Variants in CACNA1E observed in about 807,000 individuals in gnomAD.
CACNA1E encodes calcium voltage-gated channel subunit alpha1 E, also known as voltage-dependent R-type calcium channel subunit alpha-1E.
Under a neutral mutation model 259.2 loss-of-function variants are expected in CACNA1E, and 40 were observed. That is an observed-to-expected ratio of 0.15 (90% CI 0.12 to 0.20). The LOEUF (loss-of-function observed/expected upper bound fraction) is 0.20, where lower values mean the gene tolerates loss of function less well. CACNA1E is among the 10% of genes least tolerant of loss of function. The probability of loss-of-function intolerance (pLI) is 1.00; values close to 1 mark genes in which losing one functional copy is unlikely to be tolerated. For missense variants in CACNA1E, 1,874 were observed against 3,040.1 expected (o/e 0.62, Z 9.02); for synonymous variants, 1,104 against 1,138.5 (o/e 0.97, Z 0.61).
chr1:181,658,971 A>C lies in CACNA1E; in HGVS notation c.1055+7530A>C, dbSNP rs543423120. Among the ~76,000 whole-genome samples the C allele has an allele frequency of 2.4e-4, 37 of 151,852 alleles. No homozygotes were observed. The South Asian group carries it at 7.7e-3, about 32-fold the overall frequency. ...TCTCTTCTGCTTGGTTGTCTCTCAC[A>C]TGCCTTTGGAAAGATTGTGAGCTTT... On this transcript the variant is annotated intron_variant, in intron 7 of 47. Transcript: ENST00000367573.
At chr1:181,444,885 T>C (rs1484504647) in intron 2 of CACNA1E, among the ~76,000 whole-genome samples, 1 of 152,178 alleles carries the variant, frequency 6.6e-6, no homozygotes, top group Non-Finnish European at 1.5e-5. Context: ...CTCCCACCTC[T>C]GGGGTCTCCT....
In CACNA1E at chr1:181,756,067, C is replaced by A. The variant is rs147656925; in HGVS notation, c.4101C>A (p.Thr1367=). ...NIIWALLTLF[T]VSTGEGWPQV... ...TCTGGGCCCTGCTGACCCTCTTCAC[C>A]GTCTCCACAGGGGAAGGATGGCCTC... The change falls in exon 29 of 48, where the codon ACC becomes ACA. Residue 1367 remains threonine, a synonymous_variant. Coordinates refer to ENST00000367573, the MANE Select transcript of CACNA1E (RefSeq NM_001205293.3). 61 of 1,613,524 alleles carry A rather than the reference C, an allele frequency of 3.8e-5. No individual in the cohort carries two copies. The highest frequency in any genetic ancestry group is 4.7e-5 in the Non-Finnish European group (56 of 1,179,706).
At chr1:181,352,011 C>T (rs1571637558) in intron 1 of CACNA1E, among the ~76,000 whole-genome samples, 1 of 152,202 alleles carries the variant, frequency 6.6e-6, no homozygotes, top group South Asian at 2.1e-4. Flanking sequence ...CATGCACTTG[C>T]AGCATCTGGA....
At chr1:181,782,509 A>G (rs1171485560) in intron 39 of CACNA1E, among the ~76,000 whole-genome samples, 1 of 152,230 alleles carries the variant, frequency 6.6e-6, no homozygotes, top group East Asian at 1.9e-4. Flanking sequence ...TGGGAGAGAG[A>G]TGGAACTCAA....
At chr1:181,609,711 G>A (rs201479835) in intron 6 of CACNA1E, among the ~76,000 whole-genome samples, 11 of 152,238 alleles carry the variant, frequency 7.2e-5, no homozygotes, top group Middle Eastern at 3.4e-3. Flanking sequence ...TAGCTCCTTC[G>A]TGCATTATCT....
In CACNA1E at chr1:181,798,691, G is replaced by A. The variant is rs1405474687; in HGVS notation, c.6799G>A (p.Gly2267Ser). Reference sequence around the variant, plus strand: ...TAGCCTGGGCCGTTCCAACACCATCGGCTCAGCCCCACCCCTGCGGCATAG... The same window carrying A: ...TAGCCTGGGCCGTTCCAACACCATCAGCTCAGCCCCACCCCTGCGGCATAG... ...ATSLGRSNTI[G>S]SAPPLRHSWQ... Residue 2267 changes from glycine to serine, a missense_variant, in exon 48 of 48, where the codon GGC becomes AGC. Physicochemically the swap from Gly to Ser is moderately conservative, Grantham distance 56 (BLOSUM62 0). Transcript: ENST00000367573. The surrounding 1 kb of genome is among the most constrained non-coding windows in gnomAD (Gnocchi z 4.2). 1 of 1,609,176 alleles carries A rather than the reference G, an allele frequency of 6.2e-7. No homozygotes were observed. The highest frequency in any genetic ancestry group is 8.5e-7 in the Non-Finnish European group (1 of 1,176,904).
chr1:181,457,772 G>A (rs553173978), intron 2 of CACNA1E, among the ~76,000 whole-genome samples: 2 of 152,364 alleles, frequency 1.3e-5, no homozygotes, highest in African/African-American at 4.8e-5. Context: ...GAATGTCTGA[G>A]GCCAGGAATA....
chr1:181,460,770 A>G (rs1161489389), intron 2 of CACNA1E, among the ~76,000 whole-genome samples: 1 of 152,196 alleles, frequency 6.6e-6, no homozygotes, highest in African/African-American at 2.4e-5. Context: ...GCTTCCATTA[A>G]TGAAAATTAA....
At chr1:181,346,622 T>G (rs1652611265) in intron 1 of CACNA1E, among the ~76,000 whole-genome samples, 1 of 152,224 alleles carries the variant, frequency 6.6e-6, no homozygotes, top group South Asian at 2.1e-4. Context: ...TTCCATTCCC[T>G]TAGGACCCTT....
At chr1:181,654,837 A>C (rs1659060197) in intron 7 of CACNA1E, among the ~76,000 whole-genome samples, 1 of 152,066 alleles carries the variant, frequency 6.6e-6, no homozygotes, top group Non-Finnish European at 1.5e-5. Context: ...ACAAAAAATT[A>C]GCCGGGCGAG....
intron 1 of CACNA1E, among the ~76,000 whole-genome samples, chr1:181,392,918 TAA>T (rs1656398799): frequency 6.6e-6 from 1 of 152,186 alleles, no homozygotes; most frequent in African/African-American, 2.4e-5. Context: ...TAGCAATGAG[TAA>T]TACATAACTG....
At chr1:181,356,758 C>T (rs1208294530) in intron 1 of CACNA1E, among the ~76,000 whole-genome samples, 1 of 152,140 alleles carries the variant, frequency 6.6e-6, no homozygotes, top group Non-Finnish European at 1.5e-5. Flanking sequence ...AGGGCGGGCT[C>T]CTGTTGTATC....
At chr1:181,398,088 G>C (rs1656820002) in intron 1 of CACNA1E, among the ~76,000 whole-genome samples, 1 of 152,216 alleles carries the variant, frequency 6.6e-6, no homozygotes, top group South Asian at 2.1e-4. Flanking sequence ...GCCCTCTGCT[G>C]TTGCTTCAAC....
chr1:181,318,426 C>T (rs745999173), intron 1 of CACNA1E, among the ~76,000 whole-genome samples: 5 of 152,224 alleles, frequency 3.3e-5, no homozygotes, highest in Non-Finnish European at 5.9e-5. Context: ...GTGTTGCGCC[C>T]CTTGCCGCAG....
At chr1:181,616,042 C>G (rs1308088728) in intron 6 of CACNA1E, among the ~76,000 whole-genome samples, 1 of 152,122 alleles carries the variant, frequency 6.6e-6, no homozygotes, top group Non-Finnish European at 1.5e-5. Flanking sequence ...ATTGATTTTT[C>G]ATTGCAACCT....
intron 7 of CACNA1E, among the ~76,000 whole-genome samples, chr1:181,705,134 T>C (rs952295900): frequency 3.3e-5 from 5 of 152,244 alleles, no homozygotes; most frequent in African/African-American, 1.2e-4. Flanking sequence ...CTTTGTGATT[T>C]GTCTGTAGCA....
intron 43 of CACNA1E, among the ~76,000 whole-genome samples, chr1:181,786,249 C>T (rs1333103870): frequency 1.3e-5 from 2 of 152,178 alleles, no homozygotes; most frequent in East Asian, 3.9e-4. Context: ...TTACTGCTTT[C>T]CCTGAGGTTG....
At chr1:181,783,348 T>G (rs1392062679) in intron 39 of CACNA1E, among the ~76,000 whole-genome samples, 1 of 152,198 alleles carries the variant, frequency 6.6e-6, no homozygotes, top group Non-Finnish European at 1.5e-5. Context: ...CCACTTCTTT[T>G]AGAAATCACT....
chr1:181,490,783 G>A (rs1664248736), intron 1 of CACNA1E, among the ~76,000 whole-genome samples: 1 of 152,126 alleles, frequency 6.6e-6, no homozygotes, highest in African/African-American at 2.4e-5. Context: ...TCTTCCCTTT[G>A]GGGGAGGGAT....
Sources: gnomAD v4.1 joint callset for allele counts (sites outside exome capture counted in the v4.1 genomes callset) on GRCh38, gnomAD v4.1.1 for gene constraint, Gnocchi (gnomAD v3.1) non-coding constraint, MANE v1.5 for transcripts, NCBI Gene and HGNC (gene_info 2026-07-23, HGNC 2026-07-21) for gene names.